GMDS: variants seen among roughly 807,000 people sequenced by gnomAD.
GMDS encodes GDP-mannose 4,6-dehydratase.
In GMDS, 20 loss-of-function variants were observed where a neutral mutation model predicts 49.9. The ratio of observed to expected loss-of-function variants is 0.40; its 90% CI spans 0.28 to 0.58. The LOEUF is 0.58. GMDS is among the 20% of genes least tolerant of loss of function. GMDS has a pLI of 0.42. For missense variants in GMDS, 362 were observed against 481.4 expected (o/e 0.75, Z 2.32); for synonymous variants, 177 against 178.6 (o/e 0.99, Z 0.07).
intron 9 of GMDS, among the ~76,000 whole-genome samples, chr6:1,683,342 C>G (rs1201089612): frequency 1.3e-5 from 2 of 152,188 alleles, no homozygotes; most frequent in African/African-American, 2.4e-5. Context: ...CCAGGATGGT[C>G]TCCATCTCCT....
chr6:1,686,614 C>T (rs570890864), intron 9 of GMDS, among the ~76,000 whole-genome samples: 17 of 152,328 alleles, frequency 1.1e-4, no homozygotes, highest in South Asian at 2.1e-4. Flanking sequence ...AGATCCCCCC[C>T]GGGTTGGCTT....
chr6:1,674,066 C>A (rs573643778), intron 9 of GMDS, among the ~76,000 whole-genome samples: 2 of 151,766 alleles, frequency 1.3e-5, no homozygotes, highest in East Asian at 1.9e-4. Context: ...TTGCTGATTG[C>A]GTAGTGAAAC....
intron 7 of GMDS, among the ~76,000 whole-genome samples, chr6:1,755,633 G>C (rs1767911499): frequency 6.6e-6 from 1 of 152,156 alleles, no homozygotes; most frequent in Non-Finnish European, 1.5e-5. Flanking sequence ...TATACTGCAA[G>C]ACCACTGTAC....
At chr6:1,996,749 A>G (rs1379139792) in intron 4 of GMDS, among the ~76,000 whole-genome samples, 1 of 152,152 alleles carries the variant, frequency 6.6e-6, no homozygotes, top group Non-Finnish European at 1.5e-5. Flanking sequence ...GTGATTTCTT[A>G]GAAGGGGGTC....
chr6:1,896,601 T>C (rs1440962880), intron 7 of GMDS, among the ~76,000 whole-genome samples: 2 of 151,986 alleles, frequency 1.3e-5, no homozygotes, highest in African/African-American at 4.8e-5. Flanking sequence ...GTGAGGGCCA[T>C]GTGAGGCAGG....
chr6:1,897,107 C>T (rs1306723126), intron 7 of GMDS, among the ~76,000 whole-genome samples: 1 of 152,148 alleles, frequency 6.6e-6, no homozygotes, highest in East Asian at 1.9e-4. Context: ...GTTAGGGCTG[C>T]TGTACCTGCT....
At chr6:2,055,262 A>AAG (rs959934504) in intron 4 of GMDS, among the ~76,000 whole-genome samples, 5 of 151,656 alleles carry the variant, frequency 3.3e-5, no homozygotes, top group East Asian at 3.9e-4. Flanking sequence ...AAGAAAAAAA[A>AAG]AGAGAGAGAG....
At chr6:1,737,567 C>A (rs1013644924) in intron 8 of GMDS, among the ~76,000 whole-genome samples, 2 of 146,308 alleles carry the variant, frequency 1.4e-5, no homozygotes, top group Admixed American at 6.8e-5. Flanking sequence ...CACACACACA[C>A]CACACACACA....
intron 4 of GMDS, among the ~76,000 whole-genome samples, chr6:1,981,563 T>A (rs781444334): frequency 6.6e-6 from 1 of 152,128 alleles, no homozygotes; most frequent in East Asian, 1.9e-4. Context: ...CAGGACCAGA[T>A]AGATTCACAG....
At chr6:1,737,735 C>CACATACACAT (rs1767068150) in intron 8 of GMDS, among the ~76,000 whole-genome samples, 1 of 136,856 alleles carries the variant, frequency 7.3e-6, no homozygotes, top group East Asian at 2.1e-4. Context: ...CAAACACACA[C>CACATACACAT]ACACATACAC....
intron 4 of GMDS, among the ~76,000 whole-genome samples, chr6:2,046,022 GC>G (rs1487711034): frequency 2.6e-5 from 4 of 152,088 alleles, no homozygotes; most frequent in Non-Finnish European, 4.4e-5. Flanking sequence ...ACCAGCCTAG[GC>G]AATATAGCAA....
intron 4 of GMDS, among the ~76,000 whole-genome samples, chr6:1,980,499 C>A (rs1231015461): frequency 6.6e-6 from 1 of 151,560 alleles, no homozygotes; most frequent in Non-Finnish European, 1.5e-5. Context: ...GAAGAGCTAA[C>A]TGTCTTACAT....
chr6:2,216,074 T>G (rs191590328), intron 1 of GMDS, among the ~76,000 whole-genome samples: 1 of 152,318 alleles, frequency 6.6e-6, no homozygotes, highest in East Asian at 1.9e-4. Flanking sequence ...CACTATACTA[T>G]GATTTTTACT....
intron 7 of GMDS, among the ~76,000 whole-genome samples, chr6:1,872,938 G>A (rs1758849749): frequency 6.6e-6 from 1 of 152,250 alleles, no homozygotes; most frequent in South Asian, 2.1e-4. Context: ...TGCAGGAGCA[G>A]GAGGCATGGT....
At chr6:2,039,194 A>G (rs923457999) in intron 4 of GMDS, among the ~76,000 whole-genome samples, 1 of 152,228 alleles carries the variant, frequency 6.6e-6, no homozygotes, top group Non-Finnish European at 1.5e-5. Flanking sequence ...GTAAAAGTAC[A>G]GTACAAGAGA....
chr6:1,908,884 C>T (rs1001200165), intron 7 of GMDS, among the ~76,000 whole-genome samples: 2 of 152,204 alleles, frequency 1.3e-5, no homozygotes, highest in African/African-American at 2.4e-5. Context: ...ACCTGACTCA[C>T]GGCTGACCCT....
chr6:1,946,749 G>A (rs539465960), intron 6 of GMDS, among the ~76,000 whole-genome samples: 1 of 152,154 alleles, frequency 6.6e-6, no homozygotes, highest in Admixed American at 6.5e-5. Flanking sequence ...AAAAGGAGGA[G>A]CGTGTGTCAG....
chr6:1,654,585 G>A (rs547894742), intron 9 of GMDS, among the ~76,000 whole-genome samples: 2 of 152,306 alleles, frequency 1.3e-5, no homozygotes, highest in African/African-American at 4.8e-5. Context: ...TGGAAAAAAT[G>A]GTGGTTGCCA....
intron 4 of GMDS, among the ~76,000 whole-genome samples, chr6:2,045,470 A>G (rs1297683426): frequency 6.6e-6 from 1 of 151,968 alleles, no homozygotes; most frequent in Non-Finnish European, 1.5e-5. Context: ...AAATTTCAAC[A>G]TGATTTATAA....
Sources: allele counts gnomAD v4.1 joint callset (sites outside exome capture counted in the v4.1 genomes callset), GRCh38; gene constraint gnomAD v4.1.1; transcripts MANE v1.5; gene names NCBI Gene and HGNC (gene_info 2026-07-23, HGNC 2026-07-21).